Variants in GPR158 observed in about 807,000 individuals in gnomAD.
GPR158 encodes metabotropic glycine receptor.
Under a neutral mutation model 78.2 loss-of-function variants are expected in GPR158, and 30 were observed. The ratio of observed to expected loss-of-function variants is 0.38; its 90% CI spans 0.29 to 0.52. GPR158 has a LOEUF of 0.52. Ranked by LOEUF, GPR158 falls within the 20% of genes least tolerant of loss-of-function variation. GPR158 has a pLI of 0.83. For missense variants in GPR158, 1,463 were observed against 1,523.5 expected (o/e 0.96, Z 0.66); for synonymous variants, 581 against 591.1 (o/e 0.98, Z 0.25).
chr10:25,430,718 A>G (rs1461029682), intron 4 of GPR158, among the ~76,000 whole-genome samples: 1 of 132,440 alleles, frequency 7.6e-6, no homozygotes, highest in East Asian at 2.0e-4. Flanking sequence ...CATACCTACA[A>G]CTATCTGATC....
intron 3 of GPR158, among the ~76,000 whole-genome samples, chr10:25,397,573 A>G (rs1029843631): frequency 2.6e-5 from 4 of 152,200 alleles, no homozygotes; most frequent in Admixed American, 1.3e-4. Context: ...AGATTTTTAT[A>G]CAGTTCTTTT....
chr10:25,420,993 C>T lies in GPR158; in HGVS notation c.1335+8520C>T, dbSNP rs138278053. ...TTTAGGATGTGTTTTTCTGTTTCTA[C>T]AAAACTATTGCTGGGATTTTGATCA... On this transcript the variant is annotated intron_variant, in intron 4 of 10. Transcript: ENST00000376351. Among the ~76,000 whole-genome samples the T allele has an allele frequency of 8.9e-4, 135 of 152,222 alleles. 1 individual carries two copies. The East Asian group carries it at 0.018, about 20-fold the overall frequency.
chr10:25,576,748 A>G (rs1837102741), intron 7 of GPR158, among the ~76,000 whole-genome samples: 1 of 152,162 alleles, frequency 6.6e-6, no homozygotes, highest in Non-Finnish European at 1.5e-5. Context: ...AGAAGTATCA[A>G]AACTTAAGAA....
At chr10:25,322,784 G>A (rs1854970350) in intron 2 of GPR158, among the ~76,000 whole-genome samples, 1 of 152,158 alleles carries the variant, frequency 6.6e-6, no homozygotes, top group African/African-American at 2.4e-5. Context: ...TCTCCATCAG[G>A]GGTCTTGGGT....
chr10:25,383,829 T>C (rs4351727), intron 2 of GPR158, among the ~76,000 whole-genome samples: 1 of 152,212 alleles, frequency 6.6e-6, no homozygotes, highest in Non-Finnish European at 1.5e-5. Context: ...ATTTATGGAA[T>C]ACTTCTGTGA....
chr10:25,310,561 C>A (rs974238262), intron 2 of GPR158, among the ~76,000 whole-genome samples: 2 of 151,968 alleles, frequency 1.3e-5, no homozygotes, highest in African/African-American at 4.8e-5. Flanking sequence ...TCTTTAATTT[C>A]TTTCAGCAAT....
chr10:25,542,823 CAAAAAAA>C lies in GPR158; in HGVS notation c.1405-8140_1405-8134del, dbSNP rs5783943. Among the ~76,000 whole-genome samples the C allele has an allele frequency of 4.2e-5, 4 of 94,370 alleles. No individual in the cohort carries two copies. In the Admixed American group the frequency reaches 4.8e-4, roughly 11 times the overall value. 61.9% of individuals were successfully genotyped at this position (94,370 alleles called of 152,430 possible). ...TGGCAACAAGAGTGAAACTCCATCTCAAAAAAAAAAAAAAAAAAAGTTCTATTTCTAA... is the reference window on the plus strand; with the variant it reads ...TGGCAACAAGAGTGAAACTCCATCTCAAAAAAAAAAAAGTTCTATTTCTAA... On this transcript the variant is annotated intron_variant, in intron 5 of 10. Coordinates refer to ENST00000376351, the MANE Select transcript of GPR158 (RefSeq NM_020752.3).
chr10:25,584,219 C>A (rs892359440), intron 7 of GPR158, among the ~76,000 whole-genome samples: 9 of 152,092 alleles, frequency 5.9e-5, no homozygotes. Context: ...AAAGAAGAAG[C>A]ACAACACGTA....
chr10:25,593,590 T>C (rs2130751712), intron 8 of GPR158, among the ~76,000 whole-genome samples: 1 of 152,156 alleles, frequency 6.6e-6, no homozygotes. Flanking sequence ...TTTCTGAAAA[T>C]ATTCCCAAAT....
chr10:25,578,992 A>T (rs1288972227), intron 7 of GPR158, among the ~76,000 whole-genome samples: 2 of 151,962 alleles, frequency 1.3e-5, no homozygotes, highest in Non-Finnish European at 2.9e-5. Context: ...CTGGGTAAAC[A>T]GAGCAAGACT....
intron 6 of GPR158, among the ~76,000 whole-genome samples, chr10:25,569,683 C>T (rs1836978763): frequency 6.6e-6 from 1 of 152,138 alleles, no homozygotes. Context: ...AGAATATCCC[C>T]TTATATCTTT....
chr10:25,367,425 C>A (rs1344082240), intron 2 of GPR158, among the ~76,000 whole-genome samples: 1 of 151,626 alleles, frequency 6.6e-6, no homozygotes, highest in Non-Finnish European at 1.5e-5. Context: ...ACAATAAGCC[C>A]CCCAGTTTTC....
chr10:25,366,458 A>G (rs1855725876), intron 2 of GPR158, among the ~76,000 whole-genome samples: 1 of 151,676 alleles, frequency 6.6e-6, no homozygotes, highest in South Asian at 2.1e-4. Flanking sequence ...TAAAAATTAT[A>G]TGTATTTATG....
intron 7 of GPR158, among the ~76,000 whole-genome samples, chr10:25,585,662 C>A (rs1837257162): frequency 6.6e-6 from 1 of 152,178 alleles, no homozygotes; most frequent in African/African-American, 2.4e-5. Context: ...GTGAGCAAGA[C>A]CAATAGCTCA....
At chr10:25,308,749 T>C (rs1854720609) in intron 2 of GPR158, among the ~76,000 whole-genome samples, 1 of 152,164 alleles carries the variant, frequency 6.6e-6, no homozygotes, top group South Asian at 2.1e-4. Context: ...ACCACCATTC[T>C]ACTTTTTGTC....
At chr10:25,350,699 TG>T (rs1855447583) in intron 2 of GPR158, among the ~76,000 whole-genome samples, 1 of 152,006 alleles carries the variant, frequency 6.6e-6, no homozygotes, top group Non-Finnish European at 1.5e-5. Flanking sequence ...TTCTGAGTTT[TG>T]GTTGCCTTGG....
chr10:25,218,152 C>T (rs535809262), intron 1 of GPR158, among the ~76,000 whole-genome samples: 1 of 152,086 alleles, frequency 6.6e-6, no homozygotes, highest in Non-Finnish European at 1.5e-5. Flanking sequence ...CCGCTTCCCC[C>T]CGACAGGAAG....
At chr10:25,578,284 C>A (rs72790307) in intron 7 of GPR158, among the ~76,000 whole-genome samples, 7,668 of 152,218 alleles carry the variant, frequency 0.05, 247 homozygotes, top group Admixed American at 0.085. Flanking sequence ...TCCCTGACAC[C>A]GACAGAGAAC....
chr10:25,366,806 A>T (rs1148156), intron 2 of GPR158, among the ~76,000 whole-genome samples: 100,172 of 151,532 alleles, frequency 0.66, 34,202 homozygotes, highest in Non-Finnish European at 0.75. Flanking sequence ...TTGTGTATTG[A>T]TTAAATTTTT....
Sources: allele counts gnomAD v4.1 joint callset (sites outside exome capture counted in the v4.1 genomes callset), GRCh38; gene constraint gnomAD v4.1.1; transcripts MANE v1.5; gene names NCBI Gene and HGNC (gene_info 2026-07-23, HGNC 2026-07-21).